The following FBXO34 variants were observed in gnomAD, a reference collection of about 807,000 sequenced individuals.
The protein encoded by FBXO34 is F-box only protein 34.
A neutral mutation model predicts 24.5 loss-of-function variants in FBXO34; 12 were observed. The ratio of observed to expected loss-of-function variants is 0.49; its 90% CI spans 0.31 to 0.79. FBXO34 has a LOEUF of 0.79. Among genes scored for constraint, FBXO34 ranks in the 30% least tolerant of loss-of-function variants. The pLI, the probability that FBXO34 is intolerant of heterozygous loss-of-function variation, is 0.04. For synonymous variants in FBXO34, 320 were observed against 311.9 expected, an observed-to-expected ratio of 1.03 and a Z score of -0.27; for missense variants, 823 against 857.7, an observed-to-expected ratio of 0.96 and a Z score of 0.51.
At chr14:55,388,062 G>A in the FBXO34 span, among the ~76,000 whole-genome samples, 4 of 151,992 alleles carry the variant, frequency 2.6e-5, no homozygotes, top group South Asian at 2.1e-4. Context: ...GCTTGAACCC[G>A]GGAGGTGAAG....
intron 1 of FBXO34, among the ~76,000 whole-genome samples, chr14:55,345,011 G>A (rs115373639): frequency 6.6e-6 from 1 of 152,292 alleles, no homozygotes; most frequent in African/African-American, 2.4e-5. Flanking sequence ...TAATAAACGG[G>A]TAGGGCTGGG....
intron 1 of FBXO34, 78 bp from the exon 2 acceptor site, chr14:55,350,303 T>G: frequency 9.2e-7 from 1 of 1,089,834 alleles, no homozygotes; most frequent in Non-Finnish European, 1.3e-6. Context: ...CTAAGAACCA[T>G]CTGAGCTTAA....
intron 1 of FBXO34, among the ~76,000 whole-genome samples, chr14:55,274,185 G>A (rs1881259168): frequency 6.6e-6 from 1 of 152,200 alleles, no homozygotes; most frequent in Non-Finnish European, 1.5e-5. Flanking sequence ...GGAGATACCT[G>A]CTATTCGGCA....
In FBXO34 at chr14:55,273,557, T is replaced by A. The variant is rs565451376; in HGVS notation, c.-11+2020T>A. 7.9e-5 allele frequency among the ~76,000 whole-genome samples: 12 copies of A among 152,352 alleles called. No homozygotes were observed. In the South Asian group the frequency reaches 2.5e-3, roughly 32 times the overall value. ...AATTATTTTTCGTATGTACAAATTT[T>A]GTATACAAAATTTTGTATGAAAGAT... is the stretch of plus-strand genomic sequence containing the variant. On this transcript the variant is annotated intron_variant, in intron 1 of 1. Transcript: ENST00000313833.
intron 1 of FBXO34, among the ~76,000 whole-genome samples, chr14:55,321,402 C>G (rs959400213): frequency 4.0e-5 from 6 of 151,592 alleles, no homozygotes; most frequent in African/African-American, 9.7e-5. Flanking sequence ...AGACAACTTG[C>G]AATGTTTCTT....
In FBXO34 at chr14:55,352,322, G is replaced by T; in HGVS notation, c.1932G>T (p.Val644=). 1.2e-6 allele frequency: 2 copies of T among 1,614,194 alleles called. No individual in the cohort carries two copies. The highest frequency in any genetic ancestry group is 2.2e-5 in the South Asian group (2 of 91,080). ...QCKKKYVKGD[V]SLCRWHPKPY... ...AGAAAAAGTATGTGAAAGGGGATGT[G>T]TCCCTGTGCCGATGGCACCCCAAGC... Residue 644 remains valine, a synonymous_variant, in exon 2 of 2, where the codon GTG becomes GTT. Transcript: ENST00000313833.
the FBXO34 span, among the ~76,000 whole-genome samples, chr14:55,397,139 T>G: frequency 6.6e-6 from 1 of 152,200 alleles, no homozygotes; most frequent in African/African-American, 2.4e-5. Flanking sequence ...GGGATTTGAT[T>G]CACTGAGTAT....
chr14:55,381,530 A>G, the FBXO34 span, among the ~76,000 whole-genome samples: 1 of 152,250 alleles, frequency 6.6e-6, no homozygotes, highest in East Asian at 1.9e-4. Flanking sequence ...AATAAATAAA[A>G]TGTGTCTTAT....
the FBXO34 span, chr14:55,424,244 A>G: frequency 1.2e-6 from 2 of 1,610,168 alleles, no homozygotes; most frequent in Non-Finnish European, 1.7e-6. Flanking sequence ...GAAACAGTTC[A>G]GGCTCGTAAC....
chr14:55,277,316 A>AT (rs1881376686), intron 1 of FBXO34, among the ~76,000 whole-genome samples: 1 of 151,998 alleles, frequency 6.6e-6, no homozygotes, highest in Non-Finnish European at 1.5e-5. Context: ...ATATGATTTA[A>AT]TTTTTTGTTT....
At chr14:55,319,815 A>G (rs1032628296) in intron 1 of FBXO34, among the ~76,000 whole-genome samples, 4 of 152,106 alleles carry the variant, frequency 2.6e-5, no homozygotes, top group Non-Finnish European at 2.9e-5. Flanking sequence ...AGCTGGGACT[A>G]TGGGTGCCCG....
In FBXO34 at chr14:55,275,139, A is replaced by C. The variant is rs1290922080; in HGVS notation, c.-11+3602A>C. ...TTCCAGGAGAGCATTAATACAGTGT[A>C]GTTGTTTGTTAGTGTTGGTTAAAAG... On this transcript the variant is annotated intron_variant, in intron 1 of 1. Transcript: ENST00000313833. 2.4e-4 allele frequency among the ~76,000 whole-genome samples: 36 copies of C among 152,194 alleles called. 1 individual carries two copies. The highest frequency in any genetic ancestry group is 2.4e-3 in the Admixed American group (36 of 15,282).
intron 1 of FBXO34, chr14:55,325,821 A>G (rs144221070): frequency 6.6e-6 from 1 of 151,688 alleles, no homozygotes; most frequent in South Asian, 2.1e-4. Flanking sequence ...CAAGAAACAC[A>G]CTCCTTTACG....
intron 1 of FBXO34, chr14:55,285,382 A>C (rs1272828904): frequency 6.6e-6 from 1 of 152,268 alleles, no homozygotes; most frequent in African/African-American, 2.4e-5. Flanking sequence ...GAAAAAAAAA[A>C]AAAATTGTTC....
the FBXO34 span, among the ~76,000 whole-genome samples, chr14:55,393,886 T>G: frequency 1.3e-5 from 2 of 152,036 alleles, no homozygotes; most frequent in Non-Finnish European, 2.9e-5. Flanking sequence ...TTAAAATACA[T>G]AAATGAAATC....
chr14:55,282,248 C>T (rs530406557), intron 1 of FBXO34: 1 of 313,696 alleles, frequency 3.2e-6, no homozygotes, highest in Admixed American at 3.3e-5. Flanking sequence ...CCGCCTCAGC[C>T]TCCCAAAGTG....
intron 1 of FBXO34, among the ~76,000 whole-genome samples, chr14:55,286,901 A>G (rs115866996): frequency 0.013 from 1,787 of 136,994 alleles, 44 homozygotes; most frequent in African/African-American, 0.045. Context: ...TTTATGTTTC[A>G]TTTACTTTTT....
the FBXO34 span, among the ~76,000 whole-genome samples, chr14:55,426,095 C>T: frequency 8.6e-5 from 13 of 151,892 alleles, no homozygotes; most frequent in Non-Finnish European, 1.5e-4. Context: ...GGTAAAACCT[C>T]GTCTCTACTA....
chr14:55,441,378 A>C, the FBXO34 span, among the ~76,000 whole-genome samples: 1 of 150,340 alleles, frequency 6.7e-6, no homozygotes, highest in East Asian at 2.0e-4. Context: ...CTGGTCCTGG[A>C]CTCTTGGTCT....
Sources: allele counts gnomAD v4.1 joint callset (sites outside exome capture counted in the v4.1 genomes callset), GRCh38; gene constraint gnomAD v4.1.1; transcripts MANE v1.5; gene names NCBI Gene and HGNC (gene_info 2026-07-23, HGNC 2026-07-21).